DUOX1: variants seen among roughly 807,000 people sequenced by gnomAD.
DUOX1 encodes dual oxidase 1.
Under a neutral mutation model 181.8 loss-of-function variants are expected in DUOX1, and 134 were observed. That is an observed-to-expected ratio of 0.74 (90% confidence interval 0.64 to 0.85). The LOEUF (loss-of-function observed/expected upper bound fraction) is 0.85. Ranked by LOEUF, DUOX1 falls within the 40% of genes least tolerant of loss-of-function variation. The pLI, the probability that DUOX1 is intolerant of heterozygous loss-of-function variation, is 0.00. For synonymous variants in DUOX1, 798 were observed against 832.5 expected (o/e 0.96, Z 0.71); for missense variants, 1,814 against 2,064.4 (o/e 0.88, Z 2.35).
chr15:45,152,425 C>T lies in DUOX1; in HGVS notation c.3333C>T (p.Phe1111=). Residue 1111 remains phenylalanine, a synonymous_variant, in exon 25 of 34, where the codon TTC becomes TTT. Transcript: ENST00000389037. ...LLTMCRNLIT[F]LRETFLNRYV... is the part of the protein sequence containing the mutation. ...CCATGTGCCGCAACCTCATCACCTT[C>T]CTGCGAGAAACCTTCCTCAACCGCT... 1 of 1,614,252 alleles carries T rather than the reference C, an allele frequency of 6.2e-7. No individual in the cohort carries two copies. Among genetic ancestry groups the T allele is most frequent in the Non-Finnish European group, 8.5e-7 (1 of 1,180,050 alleles).
rs367852567 is a variant in DUOX1, at chr15:45,141,993, C to A, written c.1703C>A (p.Pro568Gln). 3.1e-6 allele frequency: 5 copies of A among 1,612,668 alleles called. No individual in the cohort carries two copies. The highest frequency in any genetic ancestry group is 4.2e-6 in the Non-Finnish European group (5 of 1,179,684). Residue 568 changes from proline (P) to glutamine (Q), a missense_variant, in exon 15 of 34, where the codon CCG becomes CAG. Around this residue, in one of 5 missense-constraint regions of DUOX1, gnomAD observed 1,064 missense variants for 1,152.9 expected, o/e 0.92. Coordinates refer to ENST00000389037, the MANE Select transcript of DUOX1 (RefSeq NM_175940.3). ...TTCCCAGGAGACCCCTGTCCGCAGC[C>A]GAGACAGCTCAGCACTGAAGGCCTG... ...VWHKGDPCPQ[P>Q]RQLSTEGLPA...
chr15:45,138,911 A>G (rs1759549004), intron 10 of DUOX1, 155 bp from the exon 11 acceptor site: 1 of 662,376 alleles, frequency 1.5e-6, no homozygotes, highest in Non-Finnish European at 2.6e-6. Flanking sequence ...TGAGTGGGGA[A>G]TCAACCTGCA....
chr15:45,162,935 T>C (rs1043508372), intron 31 of DUOX1, among the ~76,000 whole-genome samples: 4 of 152,212 alleles, frequency 2.6e-5, no homozygotes, highest in Non-Finnish European at 5.9e-5. Flanking sequence ...TCTCTGGGCC[T>C]GGCAGGTGAG....
chr15:45,144,982 G>T lies in DUOX1; in HGVS notation c.2224G>T (p.Glu742Ter). ...GAAGGAGAGCGGGTTGAGCATCCAG[G>T]AGTGGGAGCTGCGGGAGCAGGAGCT... The part of the protein sequence containing the change: ...ALKESGLSIQ[E>*]WELREQELMR... The change falls in exon 18 of 34, where the codon GAG becomes TAG. Residue 742 changes from glutamate to a stop codon, truncating the protein, a stop_gained. Transcript: ENST00000389037. LOFTEE classifies it high-confidence loss of function. 1 of 1,614,038 alleles carries T rather than the reference G, an allele frequency of 6.2e-7. No individual in the cohort carries two copies. The highest frequency in any genetic ancestry group is 8.5e-7 in the Non-Finnish European group (1 of 1,180,008).
At chr15:45,151,075 G>T (rs868417803) in intron 22 of DUOX1, 48 bp from the exon 23 acceptor site, 1 of 1,608,078 alleles carries the variant, frequency 6.2e-7, no homozygotes. Flanking sequence ...GCAGAGGAAC[G>T]AGTGGTTGAG....
chr15:45,148,289 CCAA>C lies in DUOX1; in HGVS notation c.2665_2667del (p.Asn889del). The C allele has an allele frequency of 6.2e-7, 1 of 1,614,168 alleles. No homozygotes were observed. The highest frequency in any genetic ancestry group is 8.5e-7 in the Non-Finnish European group (1 of 1,180,046). On this transcript the variant is annotated inframe_deletion, in exon 21 of 34. Coordinates refer to ENST00000389037, the MANE Select transcript of DUOX1 (RefSeq NM_175940.3). ...AACCCCAGATCCTTCATCGAGATCT[CCAA>C]CAACTGCCTGTCCAAGGCCCAGCTG...
At chr15:45,140,772 G>A in intron 12 of DUOX1, 123 bp from the exon 13 acceptor site, 2 of 950,634 alleles carry the variant, frequency 2.1e-6, no homozygotes, top group Non-Finnish European at 3.2e-6. Context: ...CACTGTATAG[G>A]AGTGAGTTAC....
chr15:45,155,664 G>A (rs1192831941), intron 27 of DUOX1, 138 bp from the exon 28 acceptor site: 3 of 1,196,432 alleles, frequency 2.5e-6, no homozygotes, highest in Non-Finnish European at 3.6e-6. Context: ...TGGTGTTGGG[G>A]GAGAGGACCA....
Position 45,140,017 on chromosome 15 carries a change from T to C in DUOX1, c.1389+418T>C, listed in dbSNP as rs1169654508. On this transcript the variant is annotated intron_variant, in intron 12 of 33. Transcript: ENST00000389037. ...CCTGGACTGGTGGCCCAGGCCAAGG[T>C]AGAGCCTGAGGCGGAGGCCCAGCAT... 1.1e-5 allele frequency: 15 copies of C among 1,311,392 alleles called. No homozygotes were observed. The South Asian group carries it at 1.1e-4, about 10-fold the overall frequency. The allele number at this position is 1,311,392 out of a possible 1,614,324, so 81.2% of individuals were successfully genotyped here. A position where few individuals can be genotyped will look rare whatever the true frequency, so the allele number is the denominator to read the frequency against.
At chr15:45,152,563 C>G (rs766126948) in intron 25 of DUOX1, 47 bp downstream of exon 25, 2 of 1,530,112 alleles carry the variant, frequency 1.3e-6, no homozygotes, top group Non-Finnish European at 1.8e-6. Context: ...CTCCCGCCCC[C>G]GCTGACTTCC....
chr15:45,152,615 A>C, intron 25 of DUOX1, 99 bp downstream of exon 25: 2 of 1,135,100 alleles, frequency 1.8e-6, no homozygotes, highest in Non-Finnish European at 1.3e-6. Context: ...CTTACCTTTA[A>C]TGTCCTTCTC....
chr15:45,165,204 G>A lies in DUOX1; in HGVS notation c.*303G>A. 1 of 462,966 alleles carries A rather than the reference G, an allele frequency of 2.2e-6. No homozygotes were observed. The highest frequency in any genetic ancestry group is 3.6e-5 in the Admixed American group (1 of 27,582). The allele number at this position is 462,966 out of a possible 1,614,324, so 28.7% of individuals were successfully genotyped here. A position where few individuals can be genotyped will look rare whatever the true frequency, so the allele number is the denominator to read the frequency against. Reference sequence around the variant, plus strand: ...CAGACTTCAGAAACAAATCTCAGAAGACAAGCTGACCTGACAAGTACTATG... The same window carrying A: ...CAGACTTCAGAAACAAATCTCAGAAAACAAGCTGACCTGACAAGTACTATG... On this transcript the variant is annotated 3_prime_UTR_variant, in exon 34 of 34. Coordinates refer to ENST00000389037, the MANE Select transcript of DUOX1 (RefSeq NM_175940.3).
At position 45,139,419 on chromosome 15, in the gene DUOX1, G is replaced by C; in HGVS notation, c.1217-8G>C. ...GCTCCCTCAGACTGTCTGGTATCTT[G>C]TCTCCAGATTTCTGGCCTGGGCCAC... On this transcript the variant is annotated splice_polypyrimidine_tract_variant and splice_region_variant and intron_variant, in intron 11 of 33. Coordinates refer to ENST00000389037, the MANE Select transcript of DUOX1 (RefSeq NM_175940.3). 6.2e-7 allele frequency: 1 copy of C among 1,612,148 alleles called. No individual in the cohort carries two copies. The highest frequency in any genetic ancestry group is 8.5e-7 in the Non-Finnish European group (1 of 1,179,494).
Position 45,133,821 on chromosome 15 carries a change from G to A in DUOX1, c.59-43G>A, listed in dbSNP as rs572441850. ...CCGGCAGGCCTGCCTGTCCTCTCAC[G>A]CACTGACTTGCCCAGCTGCCCCTTC... On this transcript the variant is annotated intron_variant, in intron 2 of 33. Transcript: ENST00000389037. 34 of 1,570,698 alleles carry A rather than the reference G, an allele frequency of 2.2e-5. No homozygotes were observed. In the Admixed American group the frequency reaches 2.2e-4, roughly 10 times the overall value.
Position 45,152,536 on chromosome 15 carries a change from GGGAGGC to G in DUOX1, c.3424+21_3424+26del. 6.2e-7 allele frequency: 1 copy of G among 1,610,946 alleles called. No individual in the cohort carries two copies. The highest frequency in any genetic ancestry group is 1.7e-5 in the Admixed American group (1 of 59,942). Reference sequence around the variant, plus strand: ...TCACAGGCAGGGCCTGGGTGTCCCTGGGAGGCTCTCCAGGGCCTCCCGCCCCCGCTG... The same window carrying G: ...TCACAGGCAGGGCCTGGGTGTCCCTGTCTCCAGGGCCTCCCGCCCCCGCTG... On this transcript the variant is annotated intron_variant, in intron 25 of 33. Transcript: ENST00000389037.
At chr15:45,155,618 A>G in intron 27 of DUOX1, 184 bp from the exon 28 acceptor site, 1 of 766,998 alleles carries the variant, frequency 1.3e-6, no homozygotes, top group South Asian at 1.9e-5. Context: ...TGAAAAGTGA[A>G]CAATGTCTGC....
chr15:45,150,341 C>A, intron 21 of DUOX1: 1 of 431,892 alleles, frequency 2.3e-6, no homozygotes, highest in Non-Finnish European at 4.2e-6. Context: ...AGGTTATATA[C>A]AGTTCCCGAA....
At chr15:45,146,060 G>A (rs185712333) in intron 18 of DUOX1, among the ~76,000 whole-genome samples, 283 of 152,302 alleles carry the variant, frequency 1.9e-3, no homozygotes, top group African/African-American at 6.5e-3. Context: ...TCAGCAATCC[G>A]GGAGCTCAGA....
intron 18 of DUOX1, among the ~76,000 whole-genome samples, chr15:45,147,152 A>G (rs1224971886): frequency 6.6e-6 from 1 of 152,190 alleles, no homozygotes; most frequent in African/African-American, 2.4e-5. Flanking sequence ...GTGGCTGAGC[A>G]CTTGGAGGAA....
Sources: allele counts gnomAD v4.1 joint callset (sites outside exome capture counted in the v4.1 genomes callset), GRCh38; gene constraint gnomAD v4.1.1; regional missense constraint gnomAD v4.1.1; transcripts MANE v1.5; gene names NCBI Gene and HGNC (gene_info 2026-07-23, HGNC 2026-07-21).